PLD5: variants seen among roughly 807,000 people sequenced by gnomAD.
The protein encoded by PLD5 is inactive phospholipase D5.
PLD5 carries 36 observed loss-of-function variants against 61.1 expected under a neutral mutation model. The ratio of observed to expected loss-of-function variants is 0.59; its 90% CI spans 0.45 to 0.78. The LOEUF is 0.78. PLD5 is among the 30% of genes least tolerant of loss of function. The probability of loss-of-function intolerance (pLI) is 0.00; values close to 1 mark genes in which losing one functional copy is unlikely to be tolerated. For synonymous variants in PLD5, 243 were observed against 242.8 expected (o/e 1.00, Z -0.01); for missense variants, 515 against 644.4 (o/e 0.80, Z 2.17).
intron 9 of PLD5, among the ~76,000 whole-genome samples, chr1:242,099,815 A>G (rs1174183635): frequency 6.6e-6 from 1 of 152,190 alleles, no homozygotes; most frequent in East Asian, 1.9e-4. Context: ...TTCCATGAAC[A>G]TGTTTCTTTC....
chr1:242,332,048 C>A (rs1399828324), intron 2 of PLD5, among the ~76,000 whole-genome samples: 7 of 152,106 alleles, frequency 4.6e-5, no homozygotes, highest in Non-Finnish European at 8.8e-5. Context: ...CCTCCCACCC[C>A]CTGACAGACC....
rs559309744 is a variant in PLD5 at position 242,104,491 on chromosome 1, G to C, written c.1239+3180C>G. Among the ~76,000 whole-genome samples, 5 of 152,210 alleles carry C rather than the reference G, an allele frequency of 3.3e-5. No individual in the cohort carries two copies. In the South Asian group the frequency reaches 1.0e-3, roughly 32 times the overall value. On this transcript the variant is annotated intron_variant, in intron 8 of 9. Transcript: ENST00000536534. ...ATTAAAAAGGACTTTGTAACTGCAA[G>C]GATCTCTTCTACATGCAGACGCCAT...
intron 7 of PLD5, among the ~76,000 whole-genome samples, chr1:242,109,850 G>A (rs1661343380): frequency 6.6e-6 from 1 of 151,894 alleles, no homozygotes. Flanking sequence ...CTGCACTCAG[G>A]AGGCTGAGGC....
chr1:242,435,283 A>G (rs1665935471), intron 1 of PLD5, among the ~76,000 whole-genome samples: 1 of 151,996 alleles, frequency 6.6e-6, no homozygotes. Context: ...CTGAGTCCCT[A>G]GTGCATGCGC....
chr1:242,222,464 A>G (rs1670654210), intron 4 of PLD5, among the ~76,000 whole-genome samples: 1 of 152,174 alleles, frequency 6.6e-6, no homozygotes, highest in Non-Finnish European at 1.5e-5. Flanking sequence ...GCACCTTGTC[A>G]AGCCTTCCCC....
intron 5 of PLD5, among the ~76,000 whole-genome samples, chr1:242,183,850 G>C (rs1251611922): frequency 6.6e-6 from 1 of 152,088 alleles, no homozygotes; most frequent in African/African-American, 2.4e-5. Flanking sequence ...AGCAGAGATC[G>C]CGCCACTGCA....
intron 5 of PLD5, among the ~76,000 whole-genome samples, chr1:242,140,146 C>T (rs969852406): frequency 2.6e-5 from 4 of 152,192 alleles, no homozygotes; most frequent in Non-Finnish European, 4.4e-5. Context: ...ATGTTTGACT[C>T]CTGCACACCA....
At chr1:242,312,938 A>G (rs1676786444) in intron 2 of PLD5, among the ~76,000 whole-genome samples, 1 of 152,238 alleles carries the variant, frequency 6.6e-6, no homozygotes, top group African/African-American at 2.4e-5. Context: ...CTCTTATTTA[A>G]CATTTCCTTG....
chr1:242,264,773 C>T (rs1673562269), intron 4 of PLD5, among the ~76,000 whole-genome samples: 3 of 151,994 alleles, frequency 2.0e-5, no homozygotes, highest in Admixed American at 1.3e-4. Flanking sequence ...GAGCTCAATT[C>T]GGTTGACATT....
In PLD5 at chr1:242,089,055, AG is replaced by A. The variant is rs1438143783; in HGVS notation, c.*798del. On this transcript the variant is annotated 3_prime_UTR_variant, in exon 10 of 10. Coordinates refer to ENST00000536534, the MANE Select transcript of PLD5 (RefSeq NM_001372062.1). ...GCTACATAATTTTTCTGAGCTTGAG[AG>A]AAAGGATACATATTGCTGACTGTGA... 9 of 341,960 alleles carry A rather than the reference AG, an allele frequency of 2.6e-5. No homozygotes were observed. Among genetic ancestry groups the A allele is most frequent in the Non-Finnish European group, 3.7e-5 (7 of 191,092 alleles). 21.2% of individuals were successfully genotyped at this position (341,960 alleles called of 1,614,324 possible). A position where few individuals can be genotyped will look rare whatever the true frequency, so the allele number is the denominator to read the frequency against.
chr1:242,394,782 ATATATGTGAATATATATGTG>A lies in PLD5; in HGVS notation c.190-46560_190-46541del, dbSNP rs1350135025. ...TGTATATATGTGAATATATATGTGT[ATATATGTGAATATATATGTG>A]TATATATGTGAATATATATACATAT... On this transcript the variant is annotated intron_variant, in intron 1 of 9. Coordinates refer to ENST00000536534, the MANE Select transcript of PLD5 (RefSeq NM_001372062.1). 1.5e-4 allele frequency among the ~76,000 whole-genome samples: 13 copies of A among 89,096 alleles called. 4 individuals carry two copies. Among genetic ancestry groups the A allele is most frequent in the South Asian group, 3.8e-4 (1 of 2,656 alleles). The allele number at this position is 89,096 out of a possible 152,430, so 58.5% of individuals were successfully genotyped here.
intron 1 of PLD5, among the ~76,000 whole-genome samples, chr1:242,349,235 G>A (rs1202390540): frequency 6.6e-6 from 1 of 152,182 alleles, no homozygotes; most frequent in Non-Finnish European, 1.5e-5. Context: ...GTTACTATAA[G>A]GGGTTGTAGA....
chr1:242,462,422 C>G (rs1405259054), intron 1 of PLD5, among the ~76,000 whole-genome samples: 2 of 151,992 alleles, frequency 1.3e-5, no homozygotes, highest in East Asian at 3.9e-4. Flanking sequence ...AAACACTGAG[C>G]ACACCTCAAC....
intron 4 of PLD5, among the ~76,000 whole-genome samples, chr1:242,223,417 G>C (rs1194549513): frequency 1.3e-5 from 2 of 152,220 alleles, no homozygotes; most frequent in Non-Finnish European, 2.9e-5. Flanking sequence ...TGAGAGATCA[G>C]AAAGTGGAGT....
chr1:242,377,347 G>A, intron 1 of PLD5: 1 of 1,598,030 alleles, frequency 6.3e-7, no homozygotes, highest in Non-Finnish European at 8.6e-7. Context: ...TTCAGTGGTT[G>A]AGTGATTGCT....
intron 1 of PLD5, among the ~76,000 whole-genome samples, chr1:242,389,137 C>T (rs923792311): frequency 2.0e-5 from 3 of 151,554 alleles, no homozygotes; most frequent in Non-Finnish European, 4.4e-5. Flanking sequence ...CATAATAACA[C>T]GAGTCTGGAA....
intron 5 of PLD5, among the ~76,000 whole-genome samples, chr1:242,165,786 C>T (rs929261648): frequency 3.9e-5 from 6 of 152,172 alleles, no homozygotes; most frequent in African/African-American, 1.4e-4. Flanking sequence ...ATGATGAGAA[C>T]TCAGAAGCAT....
intron 4 of PLD5, among the ~76,000 whole-genome samples, chr1:242,246,478 A>ACAC (rs138668018): frequency 1.4e-5 from 2 of 141,106 alleles, no homozygotes; most frequent in African/African-American, 5.3e-5. Context: ...TAGAAAAGAC[A>ACAC]ACACACACAC....
chr1:242,432,038 G>A (rs1390061865), intron 1 of PLD5, among the ~76,000 whole-genome samples: 1 of 152,166 alleles, frequency 6.6e-6, no homozygotes, highest in Non-Finnish European at 1.5e-5. Flanking sequence ...AGGAAAGGGG[G>A]CACAACGGTA....
Sources: allele counts gnomAD v4.1 joint callset (sites outside exome capture counted in the v4.1 genomes callset), GRCh38; gene constraint gnomAD v4.1.1; transcripts MANE v1.5; gene names NCBI Gene and HGNC (gene_info 2026-07-23, HGNC 2026-07-21).